Variants in TSPOAP1 observed in about 807,000 individuals in gnomAD.
TSPOAP1 encodes the protein peripheral-type benzodiazepine receptor-associated protein 1.
TSPOAP1 carries 87 observed loss-of-function variants against 197.0 expected under a neutral mutation model. The observed-to-expected ratio is 0.44, with a 90% CI of 0.37 to 0.53. TSPOAP1 has a LOEUF of 0.53. Among genes scored for constraint, TSPOAP1 ranks in the 20% least tolerant of loss-of-function variants. TSPOAP1 has a pLI of 0.00. For missense variants in TSPOAP1, 2,174 were observed against 2,411.3 expected (o/e 0.90, Z 2.06); for synonymous variants, 913 against 998.9 (o/e 0.91, Z 1.62).
chr17:58,314,057 G>GC (rs1971145278), intron 16 of TSPOAP1, among the ~76,000 whole-genome samples: 1 of 152,194 alleles, frequency 6.6e-6, no homozygotes, highest in South Asian at 2.1e-4. Context: ...TAGCTGGTGT[G>GC]CTTTATTGAG....
chr17:58,306,742 C>A, intron 25 of TSPOAP1, 58 bp downstream of exon 25: 1 of 1,565,428 alleles, frequency 6.4e-7, no homozygotes, highest in South Asian at 1.2e-5. Context: ...TGCTCAGGGT[C>A]AGGTGGAGTT....
chr17:58,327,699 TC>T lies in TSPOAP1; in HGVS notation c.221del (p.Gly74GlufsTer37), dbSNP rs750672247. ...AAGCCTCTGCTCCTTCAGGGTCAGT[TC>T]CCCCCACGGGCCTGGAGCTCCCGTC... ...KGDGSSRPVG[G>X]TDPEGAEACL... On this transcript the variant is annotated frameshift_variant, in exon 1 of 32. Transcript: ENST00000343736. LOFTEE classifies it high-confidence loss of function. 6 of 1,613,784 alleles carry T rather than the reference TC, an allele frequency of 3.7e-6. No individual in the cohort carries two copies. Among genetic ancestry groups the T allele is most frequent in the African/African-American group, 2.7e-5 (2 of 74,900 alleles).
intron 10 of TSPOAP1, among the ~76,000 whole-genome samples, chr17:58,320,898 C>T (rs1013556313): frequency 6.6e-6 from 1 of 152,112 alleles, no homozygotes; most frequent in African/African-American, 2.4e-5. Context: ...TGCTCCTTCT[C>T]AGCCTCTTTT....
rs773226408 is a variant in TSPOAP1 at position 58,312,495 on chromosome 17, G to A, written c.2326C>T (p.Leu776Phe). 1.2e-6 allele frequency: 2 copies of A among 1,604,058 alleles called. No individual in the cohort carries two copies. The highest frequency in any genetic ancestry group is 1.7e-6 in the Non-Finnish European group (2 of 1,175,242). ...RPEEEDAGDE[L>F]SLSPSPEGLG... The stretch of plus-strand genomic sequence containing the variant: ...CCCTCCGGTGATGGGCTCAGACTGA[G>A]CTCGTCCCCTGCATCCTCCTCCTCA... Residue 776 changes from leucine (L) to phenylalanine (F), a missense_variant, in exon 17 of 32, where the codon CTC (leucine) becomes TTC (phenylalanine). Transcript: ENST00000343736.
chr17:58,307,110 G>T, intron 24 of TSPOAP1, 142 bp from the exon 25 acceptor site: 1 of 880,598 alleles, frequency 1.1e-6, no homozygotes, highest in Non-Finnish European at 1.7e-6. Context: ...GGGGAAAACA[G>T]CAAAGAACAG....
chr17:58,302,415 C>A lies in TSPOAP1; in HGVS notation c.*65G>T. The A allele has an allele frequency of 7.8e-7, 1 of 1,278,648 alleles. No individual in the cohort carries two copies. The highest frequency in any genetic ancestry group is 1.0e-6 in the Non-Finnish European group (1 of 984,450). 79.2% of individuals were successfully genotyped at this position (1,278,648 alleles called of 1,614,324 possible). A position where few individuals can be genotyped will look rare whatever the true frequency, so the allele number is the denominator to read the frequency against. ...TGGGGGTACAAGGCCCACCTGGGGG[C>A]CCTGGGGACCCTTGTGTGGTGCAGC... is the stretch of plus-strand genomic sequence containing the variant. On this transcript the variant is annotated 3_prime_UTR_variant, in exon 32 of 32. Transcript: ENST00000343736.
chr17:58,324,757 TTCCCCCCAC>T lies in TSPOAP1; in HGVS notation c.942+45_942+53del. On this transcript the variant is annotated intron_variant, in intron 5 of 31. Coordinates refer to ENST00000343736, the MANE Select transcript of TSPOAP1 (RefSeq NM_004758.4). This position sits in a 1 kb window ranked among gnomAD's most constrained non-coding sequence, Gnocchi z 5.8. ...GGTGCAGGGGAGATCCCGGTGGTCG[TTCCCCCCAC>T]CCATCTGCACGCACCCACACACCTG... 7.9e-7 allele frequency: 1 copy of T among 1,266,836 alleles called. No homozygotes were observed. The highest frequency in any genetic ancestry group is 3.4e-5 in the Admixed American group (1 of 29,568). The allele number at this position is 1,266,836 out of a possible 1,614,324, so 78.5% of individuals were successfully genotyped here.
rs1056297289 is a variant in TSPOAP1 at position 58,322,097 on chromosome 17, C to T, written c.1422+211G>A. 1.1e-5 allele frequency: 6 copies of T among 571,038 alleles called. No individual in the cohort carries two copies. The highest frequency in any genetic ancestry group is 1.9e-5 in the Non-Finnish European group (6 of 323,994). The allele number at this position is 571,038 out of a possible 1,614,324, so 35.4% of individuals were successfully genotyped here. A position where few individuals can be genotyped will look rare whatever the true frequency, so the allele number is the denominator to read the frequency against. On this transcript the variant is annotated intron_variant, in intron 10 of 31. Transcript: ENST00000343736. This position sits in a 1 kb window ranked among gnomAD's most constrained non-coding sequence, Gnocchi z 5.0. The stretch of plus-strand genomic sequence containing the variant: ...CCATCCCAGTCACTTTGTCACATCA[C>T]CCTGTTCTTCTCCACCACTGTGCTC...
intron 14 of TSPOAP1, 49 bp downstream of exon 14, chr17:58,318,231 C>A: frequency 1.2e-6 from 2 of 1,604,570 alleles, no homozygotes; most frequent in Non-Finnish European, 8.5e-7. Context: ...CTGCCCTGCA[C>A]CCTTCCCCAA....
intron 25 of TSPOAP1, 21 bp from the exon 26 acceptor site, chr17:58,306,434 G>A (rs1042249946): frequency 6.5e-7 from 1 of 1,549,986 alleles, no homozygotes; most frequent in African/African-American, 1.4e-5. Context: ...AAAGCAGAGA[G>A]AAAGCGAGGC....
At chr17:58,310,249 G>A in intron 20 of TSPOAP1, 91 bp from the exon 21 acceptor site, 3 of 1,366,430 alleles carry the variant, frequency 2.2e-6, no homozygotes, top group Non-Finnish European at 2.0e-6. Flanking sequence ...CAGTAACAAG[G>A]GTCCTTTGGC....
At position 58,309,511 on chromosome 17, in the gene TSPOAP1, G is replaced by A; in HGVS notation, c.3892-131C>T. The A allele has an allele frequency of 1.6e-6, 2 of 1,287,422 alleles. No individual in the cohort carries two copies. Among genetic ancestry groups the A allele is most frequent in the Non-Finnish European group, 2.1e-6 (2 of 961,584 alleles). The allele number at this position is 1,287,422 out of a possible 1,614,324, so 79.7% of individuals were successfully genotyped here. A position where few individuals can be genotyped will look rare whatever the true frequency, so the allele number is the denominator to read the frequency against. On this transcript the variant is annotated intron_variant, in intron 21 of 31. Transcript: ENST00000343736. The surrounding 1 kb of genome is among the most constrained non-coding windows in gnomAD (Gnocchi z 5.0). ...CGGACAACCCCACAGCCCTCCCACG[G>A]CTTCCTCCGAGAGGAGAGAACCAGA...
chr17:58,315,714 C>G (rs910242706), intron 16 of TSPOAP1, among the ~76,000 whole-genome samples: 8 of 152,172 alleles, frequency 5.3e-5, no homozygotes, highest in Admixed American at 4.6e-4. Context: ...ACTATCCACA[C>G]AAAAATGAAT....
chr17:58,315,328 G>C (rs1971194958), intron 16 of TSPOAP1, among the ~76,000 whole-genome samples: 1 of 152,104 alleles, frequency 6.6e-6, no homozygotes, highest in South Asian at 2.1e-4. Flanking sequence ...GCCCTGCCCT[G>C]TCCATGCCCC....
chr17:58,325,504 C>T (rs755724440), intron 4 of TSPOAP1, 30 bp downstream of exon 4: 14 of 1,610,572 alleles, frequency 8.7e-6, no homozygotes, highest in Non-Finnish European at 1.2e-5. Context: ...CAGGGCTGAG[C>T]TGGAAGAGGT....
At chr17:58,312,822 G>A in intron 16 of TSPOAP1, 100 bp from the exon 17 acceptor site, 1 of 827,900 alleles carries the variant, frequency 1.2e-6, no homozygotes, top group Non-Finnish European at 1.8e-6. Context: ...GCTAGTGGGT[G>A]ATCTTCAGCA....
At position 58,306,923 on chromosome 17, in the gene TSPOAP1, C is replaced by G. The variant is rs376642992; in HGVS notation, c.5029G>C (p.Gly1677Arg). ...DADGFYQGEGGGRTGYIPCNM... is the reference protein window; with the variant it reads ...DADGFYQGEGRGRTGYIPCNM... ...CAGGGAATGTAGCCTGTCCGGCCCCCACCTTCGCCCTGGTAGAAGCCATCG... is the reference window on the plus strand; with the variant it reads ...CAGGGAATGTAGCCTGTCCGGCCCCGACCTTCGCCCTGGTAGAAGCCATCG... Residue 1677 changes from glycine (G) to arginine (R), a missense_variant, in exon 25 of 32, where the codon GGG becomes CGG. Coordinates refer to ENST00000343736, the MANE Select transcript of TSPOAP1 (RefSeq NM_004758.4). 40 of 1,613,360 alleles carry G rather than the reference C, an allele frequency of 2.5e-5. 1 individual carries two copies. The Admixed American group carries it at 3.8e-4, about 15-fold the overall frequency.
intron 4 of TSPOAP1, among the ~76,000 whole-genome samples, chr17:58,325,264 T>A (rs1971545844): frequency 3.3e-5 from 5 of 152,138 alleles, no homozygotes; most frequent in Admixed American, 3.3e-4. Context: ...CTTGTGAACA[T>A]CCCTTCACAC....
rs1376808615 is a variant in TSPOAP1 at position 58,324,023 on chromosome 17, T to G, written c.943-478A>C. Among the ~76,000 whole-genome samples the G allele has an allele frequency of 6.6e-6, 1 of 152,188 alleles. No homozygotes were observed. Among genetic ancestry groups the G allele is most frequent in the African/African-American group, 2.4e-5 (1 of 41,450 alleles). On this transcript the variant is annotated intron_variant, in intron 5 of 31. Transcript: ENST00000343736. The surrounding 1 kb of genome is among the most constrained non-coding windows in gnomAD (Gnocchi z 5.8). ...CGCAAGTCCAGCCAGACCCTTCTCC[T>G]GGCTTCCCCCAAGCCCACCCTACCA...
Sources: gnomAD v4.1 joint callset for allele counts (sites outside exome capture counted in the v4.1 genomes callset) on GRCh38, gnomAD v4.1.1 for gene constraint, Gnocchi (gnomAD v3.1) non-coding constraint, MANE v1.5 for transcripts, NCBI Gene and HGNC (gene_info 2026-07-23, HGNC 2026-07-21) for gene names.